The following SGCZ variants were observed in gnomAD, a reference collection of about 807,000 sequenced individuals.
SGCZ encodes the protein sarcoglycan zeta.
SGCZ carries 40 observed loss-of-function variants against 41.3 expected under a neutral mutation model. That is an observed-to-expected ratio of 0.97 (90% CI 0.75 to 1.26). The LOEUF (loss-of-function observed/expected upper bound fraction) is 1.26, where lower values mean the gene tolerates loss of function less well. Ranked by LOEUF, SGCZ falls within the 50% of genes most tolerant of loss-of-function variation. SGCZ has a pLI of 0.00. For synonymous variants in SGCZ, 206 were observed against 137.5 expected (o/e 1.50, Z -3.49); for missense variants, 552 against 369.8 (o/e 1.49, Z -4.04).
intron 1 of SGCZ, among the ~76,000 whole-genome samples, chr8:14,678,686 T>C (rs909783281): frequency 2.6e-5 from 4 of 152,220 alleles, no homozygotes; most frequent in African/African-American, 9.6e-5. Context: ...TGCTCCACGG[T>C]CTTCCTCAAA....
chr8:15,163,976 C>T (rs1563159992), intron 1 of SGCZ, among the ~76,000 whole-genome samples: 1 of 152,222 alleles, frequency 6.6e-6, no homozygotes, highest in Non-Finnish European at 1.5e-5. Context: ...AGGCTGGCCT[C>T]TCCGCTTCCT....
chr8:15,168,248 T>C (rs73533427), intron 1 of SGCZ, among the ~76,000 whole-genome samples: 2,261 of 152,260 alleles, frequency 0.015, 50 homozygotes, highest in African/African-American at 0.051. Context: ...CAGAGGCAGA[T>C]GACAACAGAG....
chr8:14,826,966 T>C (rs937310564), intron 1 of SGCZ, among the ~76,000 whole-genome samples: 2 of 152,156 alleles, frequency 1.3e-5, no homozygotes, highest in Non-Finnish European at 2.9e-5. Context: ...ATTTTGGCTT[T>C]TGTTGCCATT....
intron 1 of SGCZ, among the ~76,000 whole-genome samples, chr8:14,614,238 A>C (rs1806021950): frequency 6.6e-6 from 1 of 152,176 alleles, no homozygotes. Context: ...CTCCAAACCA[A>C]CTTGAAACAC....
chr8:14,183,517 T>C (rs1804799192), intron 4 of SGCZ, among the ~76,000 whole-genome samples: 1 of 152,180 alleles, frequency 6.6e-6, no homozygotes, highest in African/African-American at 2.4e-5. Context: ...GCACATTATA[T>C]TTACTCTGGG....
At position 14,088,854 on chromosome 8, in the gene SGCZ, C is replaced by G. The variant is rs1019738017; in HGVS notation, c.*1589G>C. Among the ~76,000 whole-genome samples, 1 of 151,886 alleles carries G rather than the reference C, an allele frequency of 6.6e-6. No homozygotes were observed. Among genetic ancestry groups the G allele is most frequent in the East Asian group, 1.9e-4 (1 of 5,148 alleles). ...CACATCTTTTGCAACAAGTTCTAAT[C>G]TCCCAGTTCACTCTGAGCTGTAGAC... On this transcript the variant is annotated 3_prime_UTR_variant, in exon 8 of 8. Coordinates refer to ENST00000382080, the MANE Select transcript of SGCZ (RefSeq NM_139167.4).
At chr8:14,184,428 A>C (rs1231285930) in intron 4 of SGCZ, among the ~76,000 whole-genome samples, 2 of 152,198 alleles carry the variant, frequency 1.3e-5, no homozygotes, top group Admixed American at 6.5e-5. Context: ...ATCAATTGAA[A>C]AGTTCTTTAT....
chr8:14,113,900 A>G (rs1393464532), intron 5 of SGCZ, among the ~76,000 whole-genome samples: 1 of 152,012 alleles, frequency 6.6e-6, no homozygotes, highest in Non-Finnish European at 1.5e-5. Context: ...CAGCATATGC[A>G]ACCTCTTTCT....
intron 1 of SGCZ, among the ~76,000 whole-genome samples, chr8:15,116,713 C>A (rs1807283318): frequency 6.6e-6 from 1 of 152,146 alleles, no homozygotes; most frequent in East Asian, 1.9e-4. Flanking sequence ...ACAGTGAAAA[C>A]AACTTGCTTA....
At chr8:14,444,967 T>G (rs1800390595) in intron 2 of SGCZ, among the ~76,000 whole-genome samples, 1 of 152,178 alleles carries the variant, frequency 6.6e-6, no homozygotes, top group South Asian at 2.1e-4. Flanking sequence ...TACTCAAATT[T>G]GGCCCAAGAC....
At chr8:14,823,569 A>G (rs1158505716) in intron 1 of SGCZ, among the ~76,000 whole-genome samples, 2 of 152,208 alleles carry the variant, frequency 1.3e-5, no homozygotes, top group African/African-American at 4.8e-5. Context: ...AGAAAAAGAC[A>G]AAGGAAACCA....
intron 1 of SGCZ, among the ~76,000 whole-genome samples, chr8:14,795,883 T>A (rs1242434882): frequency 6.6e-6 from 1 of 152,150 alleles, no homozygotes; most frequent in Non-Finnish European, 1.5e-5. Context: ...TGTCCATATG[T>A]TCTCATTATT....
At chr8:14,583,475 A>T (rs1267101582) in intron 1 of SGCZ, among the ~76,000 whole-genome samples, 1 of 151,936 alleles carries the variant, frequency 6.6e-6, no homozygotes, top group Non-Finnish European at 1.5e-5. Flanking sequence ...CTCTGATGGT[A>T]GTTTCTTTTG....
intron 1 of SGCZ, among the ~76,000 whole-genome samples, chr8:14,990,561 A>G (rs1202806898): frequency 1.3e-5 from 2 of 152,012 alleles, no homozygotes; most frequent in Non-Finnish European, 2.9e-5. Context: ...TGAGAATCCA[A>G]TGCCCAATGA....
chr8:15,132,586 T>G (rs1245720922), intron 1 of SGCZ, among the ~76,000 whole-genome samples: 1 of 152,214 alleles, frequency 6.6e-6, no homozygotes, highest in African/African-American at 2.4e-5. Context: ...TGTGGGTTTC[T>G]TGACTAATAA....
intron 2 of SGCZ, among the ~76,000 whole-genome samples, chr8:14,470,418 T>G (rs1459769836): frequency 6.6e-6 from 1 of 152,160 alleles, no homozygotes; most frequent in Non-Finnish European, 1.5e-5. Context: ...TAGATGCTAT[T>G]ATTAATTTCA....
rs566122630 is a variant in SGCZ, at chr8:15,195,974, T to G, written c.39+41611A>C. On this transcript the variant is annotated intron_variant, in intron 1 of 7. Transcript: ENST00000382080. ...GTGCAGTGGCGCGATCTTGGCTCACTGCAAGCTCCGCCTCCCGGGTTCACG... is the reference window on the plus strand; with the variant it reads ...GTGCAGTGGCGCGATCTTGGCTCACGGCAAGCTCCGCCTCCCGGGTTCACG... Among the ~76,000 whole-genome samples, 106 of 137,758 alleles carry G rather than the reference T, an allele frequency of 7.7e-4. 7 individuals are homozygous for G. The highest frequency in any genetic ancestry group is 2.7e-3 in the African/African-American group (99 of 36,446). 90.4% of individuals were successfully genotyped at this position (137,758 alleles called of 152,430 possible).
intron 5 of SGCZ, among the ~76,000 whole-genome samples, chr8:14,146,400 A>G (rs1481039332): frequency 6.6e-6 from 1 of 152,192 alleles, no homozygotes; most frequent in South Asian, 2.1e-4. Context: ...AAGCCGAGGG[A>G]TTTCATCAAC....
intron 2 of SGCZ, among the ~76,000 whole-genome samples, chr8:14,420,639 T>C (rs1799613580): frequency 6.6e-6 from 1 of 152,066 alleles, no homozygotes; most frequent in African/African-American, 2.4e-5. Flanking sequence ...ACAGCATAGA[T>C]GCATTAGATC....
Sources: allele counts gnomAD v4.1 joint callset (sites outside exome capture counted in the v4.1 genomes callset), GRCh38; gene constraint gnomAD v4.1.1; transcripts MANE v1.5; gene names NCBI Gene and HGNC (gene_info 2026-07-23, HGNC 2026-07-21).